The following LMBRD1 variants were observed in gnomAD, a reference collection of about 807,000 sequenced individuals.
LMBRD1 encodes LMBR1 domain containing 1.
A neutral mutation model predicts 74.8 loss-of-function variants in LMBRD1; 64 were observed. The observed-to-expected ratio is 0.86, with a 90% CI of 0.70 to 1.05. LMBRD1 has a LOEUF of 1.05. Among genes scored for constraint, LMBRD1 ranks in the 50% least tolerant of loss-of-function variants. The pLI, the probability that LMBRD1 is intolerant of heterozygous loss-of-function variation, is 0.00. For missense variants in LMBRD1, 652 were observed against 645.9 expected (o/e 1.01, Z -0.10); for synonymous variants, 204 against 216.3 (o/e 0.94, Z 0.50).
Position 69,780,519 on chromosome 6 carries a change from C to T in LMBRD1, c.282G>A (p.Glu94=), listed in dbSNP as rs1765807427. The change falls in exon 3 of 16, where the codon GAG becomes GAA. Residue 94 remains glutamate (E), a synonymous_variant. Transcript: ENST00000649934. ...WANANVSRQI[E]DTVLYGYYTL... ...TATAGTAACCGTATAATACAGTGTC[C>T]TCAATCTGTCTGCTGACATTAGCAT... 6.2e-7 allele frequency: 1 copy of T among 1,610,592 alleles called. No individual in the cohort carries two copies. Among genetic ancestry groups the T allele is most frequent in the Non-Finnish European group, 8.5e-7 (1 of 1,176,974 alleles).
chr6:69,796,899 A>T lies in LMBRD1; in HGVS notation c.-18T>A, dbSNP rs202192515. 1,053 of 1,605,006 alleles carry T rather than the reference A, an allele frequency of 6.6e-4. 6 individuals carry two copies. In the African/African-American group the frequency reaches 0.013, roughly 19 times the overall value. ...GTCGCCATCTTCGCTTCCGGTCCAGACCAACCTGAGCGCCCGGGGTGGGGA... is the reference window on the plus strand; with the variant it reads ...GTCGCCATCTTCGCTTCCGGTCCAGTCCAACCTGAGCGCCCGGGGTGGGGA... On this transcript the variant is annotated 5_prime_UTR_variant, in exon 1 of 16. Coordinates refer to ENST00000649934, the MANE Select transcript of LMBRD1 (RefSeq NM_018368.4).
At chr6:69,774,474 ATTCATTTACCCCCGCCTTTCATTAAT>A (rs1765644750) in intron 3 of LMBRD1, among the ~76,000 whole-genome samples, 1 of 152,346 alleles carries the variant, frequency 6.6e-6, no homozygotes, top group South Asian at 2.1e-4. Context: ...GATAGTTTTA[ATTCATTTACCCCCGCCTTTCATTAAT>A]TTCTTTTACA....
rs543034629 is a variant in LMBRD1 at position 69,698,939 on chromosome 6, C to A, written c.1338+104G>T. 163 of 753,178 alleles carry A rather than the reference C, an allele frequency of 2.2e-4. 3 individuals carry two copies. Among genetic ancestry groups the A allele is most frequent in the South Asian group, 1.3e-3 (80 of 59,302 alleles). 46.7% of individuals were successfully genotyped at this position (753,178 alleles called of 1,614,324 possible). A position where few individuals can be genotyped will look rare whatever the true frequency, so the allele number is the denominator to read the frequency against. ...CAGTTTTAGCAATATTAAATATAAT[C>A]TGATGAGCTAATATCTTATGCTAAC... On this transcript the variant is annotated intron_variant, in intron 13 of 15. Transcript: ENST00000649934.
At chr6:69,768,399 A>G (rs1415563936) in intron 3 of LMBRD1, among the ~76,000 whole-genome samples, 1 of 151,876 alleles carries the variant, frequency 6.6e-6, no homozygotes, top group Admixed American at 6.6e-5. Flanking sequence ...TATACTACAT[A>G]CCTTAATTTA....
chr6:69,681,139 A>C (rs1765652059), intron 14 of LMBRD1, among the ~76,000 whole-genome samples: 1 of 152,040 alleles, frequency 6.6e-6, no homozygotes, highest in African/African-American at 2.4e-5. Context: ...AACAATGAAC[A>C]CTAAACATGG....
intron 3 of LMBRD1, among the ~76,000 whole-genome samples, chr6:69,769,365 C>G (rs1562119466): frequency 1.3e-5 from 2 of 152,208 alleles, no homozygotes; most frequent in East Asian, 3.9e-4. Context: ...AAAATCATTT[C>G]TATCTCCTTT....
intron 3 of LMBRD1, among the ~76,000 whole-genome samples, chr6:69,753,161 TA>T (rs1765200084): frequency 6.6e-6 from 1 of 152,212 alleles, no homozygotes; most frequent in African/African-American, 2.4e-5. Flanking sequence ...AATATTTATC[TA>T]AATTCAATAT....
chr6:69,698,927 A>G, intron 13 of LMBRD1, 116 bp downstream of exon 13: 1 of 709,894 alleles, frequency 1.4e-6, no homozygotes, highest in Non-Finnish European at 2.3e-6. Flanking sequence ...TTTTAGCAAT[A>G]TTAAATATAA....
At chr6:69,742,969 A>G (rs1187105080) in intron 5 of LMBRD1, among the ~76,000 whole-genome samples, 2 of 152,146 alleles carry the variant, frequency 1.3e-5, no homozygotes, top group Admixed American at 6.5e-5. Context: ...ACTTTTAGAA[A>G]AAAAAAAGTG....
intron 3 of LMBRD1, among the ~76,000 whole-genome samples, chr6:69,766,760 TTTC>T (rs1765482261): frequency 6.6e-6 from 1 of 151,638 alleles, no homozygotes. Flanking sequence ...ATTGGTATAA[TTTC>T]TTATTTAAAT....
At chr6:69,728,886 C>CT (rs1481113720) in intron 7 of LMBRD1, among the ~76,000 whole-genome samples, 1 of 152,184 alleles carries the variant, frequency 6.6e-6, no homozygotes, top group African/African-American at 2.4e-5. Flanking sequence ...GATAAGGCAG[C>CT]TAGCCATGCA....
At chr6:69,772,193 A>T (rs1052290168) in intron 3 of LMBRD1, among the ~76,000 whole-genome samples, 30 of 152,306 alleles carry the variant, frequency 2.0e-4, no homozygotes, top group Non-Finnish European at 3.4e-4. Context: ...CGAAACTGGG[A>T]ATTGGGCATA....
At chr6:69,727,688 T>G (rs536514145) in intron 7 of LMBRD1, among the ~76,000 whole-genome samples, 12 of 152,148 alleles carry the variant, frequency 7.9e-5, no homozygotes, top group Non-Finnish European at 1.3e-4. Context: ...ACCCTCTAAA[T>G]ATATTTTTTA....
intron 7 of LMBRD1, among the ~76,000 whole-genome samples, chr6:69,734,638 C>T (rs921828673): frequency 6.6e-6 from 1 of 152,092 alleles, no homozygotes; most frequent in African/African-American, 2.4e-5. Context: ...TCAGGTGACC[C>T]GCCCACCTCG....
intron 2 of LMBRD1, among the ~76,000 whole-genome samples, chr6:69,781,886 A>G (rs1765840851): frequency 6.6e-6 from 1 of 152,200 alleles, no homozygotes; most frequent in Admixed American, 6.5e-5. Context: ...GGTAGAGTAT[A>G]TTAACATATT....
intron 3 of LMBRD1, among the ~76,000 whole-genome samples, chr6:69,767,723 A>G (rs1765499713): frequency 6.6e-6 from 1 of 151,814 alleles, no homozygotes; most frequent in Non-Finnish European, 1.5e-5. Context: ...ATTGTTGTTT[A>G]CATCTTCTCA....
At chr6:69,700,008 C>T (rs375875303) in intron 12 of LMBRD1, among the ~76,000 whole-genome samples, 10 of 151,862 alleles carry the variant, frequency 6.6e-5, no homozygotes, top group Admixed American at 3.3e-4. Flanking sequence ...CCCCTTTCTC[C>T]TAACTACCTT....
chr6:69,716,995 C>G (rs1004108835), intron 8 of LMBRD1, among the ~76,000 whole-genome samples: 1 of 151,762 alleles, frequency 6.6e-6, no homozygotes, highest in African/African-American at 2.4e-5. Context: ...CACAAACAGT[C>G]TATCTAATCC....
At chr6:69,775,923 C>G (rs1183646425) in intron 3 of LMBRD1, among the ~76,000 whole-genome samples, 1 of 152,110 alleles carries the variant, frequency 6.6e-6, no homozygotes, top group Non-Finnish European at 1.5e-5. Flanking sequence ...AAATAAGTGA[C>G]AGTATTTGTC....
Sources: allele counts gnomAD v4.1 joint callset (sites outside exome capture counted in the v4.1 genomes callset), GRCh38; gene constraint gnomAD v4.1.1; transcripts MANE v1.5; gene names NCBI Gene and HGNC (gene_info 2026-07-23, HGNC 2026-07-21).